PARD3: variants seen among roughly 807,000 people sequenced by gnomAD.
PARD3 encodes the protein par-3 family cell polarity regulator.
In PARD3, 75 loss-of-function variants were observed where a neutral mutation model predicts 155.4. The ratio of observed to expected loss-of-function variants is 0.48; its 90% CI spans 0.40 to 0.58. PARD3 has a LOEUF of 0.58. Among genes scored for constraint, PARD3 ranks in the 20% least tolerant of loss-of-function variants. The pLI, the probability that PARD3 is intolerant of heterozygous loss-of-function variation, is 0.00. For synonymous variants in PARD3, 576 were observed against 610.5 expected (o/e 0.94, Z 0.83); for missense variants, 1,642 against 1,721.7 (o/e 0.95, Z 0.82).
intron 20 of PARD3, among the ~76,000 whole-genome samples, chr10:34,310,692 C>T (rs548202917): frequency 6.6e-6 from 1 of 152,300 alleles, no homozygotes; most frequent in Non-Finnish European, 1.5e-5. Context: ...ATGATATCAG[C>T]TACCTTAGAA....
intron 10 of PARD3, among the ~76,000 whole-genome samples, chr10:34,376,888 G>A (rs2134686952): frequency 6.6e-6 from 1 of 152,124 alleles, no homozygotes; most frequent in African/African-American, 2.4e-5. Context: ...TAAAAATACA[G>A]ACTATATTTT....
At chr10:34,667,821 G>C (rs1271581075) in intron 2 of PARD3, among the ~76,000 whole-genome samples, 2 of 152,272 alleles carry the variant, frequency 1.3e-5, no homozygotes, top group African/African-American at 4.8e-5. Context: ...AAATAATATT[G>C]TGATGACATT....
intron 12 of PARD3, among the ~76,000 whole-genome samples, chr10:34,368,974 T>C (rs550075449): frequency 1.3e-5 from 2 of 152,066 alleles, no homozygotes; most frequent in Admixed American, 1.3e-4. Context: ...GCCTCCAACA[T>C]GGAACTCATA....
At chr10:34,173,802 C>T (rs726196) in intron 22 of PARD3, among the ~76,000 whole-genome samples, 35,723 of 152,054 alleles carry the variant, frequency 0.23, 4,371 homozygotes, top group Middle Eastern at 0.35. Context: ...AGTCACTGCC[C>T]TAATTTTCCA....
chr10:34,636,180 T>C (rs1481077047), intron 2 of PARD3, among the ~76,000 whole-genome samples: 1 of 152,136 alleles, frequency 6.6e-6, no homozygotes, highest in Non-Finnish European at 1.5e-5. Flanking sequence ...ATTTACGCAT[T>C]TGCATGTGCC....
At chr10:34,473,676 CA>C (rs2133111097) in intron 3 of PARD3, among the ~76,000 whole-genome samples, 1 of 152,330 alleles carries the variant, frequency 6.6e-6, no homozygotes, top group East Asian at 1.9e-4. Flanking sequence ...AGTTTTCCAT[CA>C]AACACACTCA....
At chr10:34,615,396 C>CA (rs1348233600) in intron 2 of PARD3, among the ~76,000 whole-genome samples, 1 of 151,972 alleles carries the variant, frequency 6.6e-6, no homozygotes, top group Non-Finnish European at 1.5e-5. Flanking sequence ...ACTGAGGAAA[C>CA]AGTGTAACCA....
intron 22 of PARD3, among the ~76,000 whole-genome samples, chr10:34,158,386 T>C (rs1023238367): frequency 4.6e-5 from 7 of 152,220 alleles, no homozygotes; most frequent in Admixed American, 2.6e-4. Context: ...TCCACTCCTG[T>C]GGTTTTCTTG....
intron 2 of PARD3, among the ~76,000 whole-genome samples, chr10:34,615,199 A>G (rs777300343): frequency 5.9e-5 from 9 of 152,178 alleles, no homozygotes; most frequent in Non-Finnish European, 8.8e-5. Flanking sequence ...ACTAAAAACA[A>G]AAACAAACAA....
chr10:34,666,728 C>A (rs929652620), intron 2 of PARD3, among the ~76,000 whole-genome samples: 2 of 129,172 alleles, frequency 1.5e-5, no homozygotes, highest in Non-Finnish European at 3.1e-5. Context: ...ATTTGGAAAC[C>A]AGACCTTGAT....
intron 19 of PARD3, among the ~76,000 whole-genome samples, chr10:34,324,761 G>T (rs1386051162): frequency 1.3e-5 from 2 of 151,352 alleles, no homozygotes; most frequent in African/African-American, 4.9e-5. Context: ...GCTAATGAGA[G>T]AAATCACATC....
chr10:34,492,511 C>A (rs952736601), intron 3 of PARD3, among the ~76,000 whole-genome samples: 4 of 152,138 alleles, frequency 2.6e-5, no homozygotes, highest in Non-Finnish European at 4.4e-5. Context: ...AGAAAGATTG[C>A]TTACAAAATA....
chr10:34,282,328 T>C (rs565801700), intron 21 of PARD3, among the ~76,000 whole-genome samples: 2 of 152,288 alleles, frequency 1.3e-5, no homozygotes, highest in South Asian at 2.1e-4. Flanking sequence ...TCCTGTACAT[T>C]GTAAATTCAT....
intron 1 of PARD3, among the ~76,000 whole-genome samples, chr10:34,777,700 T>C (rs2134143027): frequency 6.6e-6 from 1 of 151,516 alleles, no homozygotes. Context: ...TCAGCTAATT[T>C]TTTTTTTTTT....
intron 1 of PARD3, among the ~76,000 whole-genome samples, chr10:34,770,417 T>C (rs1347194914): frequency 1.3e-5 from 2 of 152,164 alleles, no homozygotes; most frequent in Non-Finnish European, 2.9e-5. Flanking sequence ...GGGCAGCACC[T>C]CCAACCAAAC....
At chr10:34,168,757 C>G (rs923891084) in intron 22 of PARD3, among the ~76,000 whole-genome samples, 5 of 152,168 alleles carry the variant, frequency 3.3e-5, no homozygotes, top group African/African-American at 4.8e-5. Flanking sequence ...ACACAGTTTG[C>G]CTTTGTCTTT....
At chr10:34,431,844 T>C (rs2075929448) in intron 5 of PARD3, among the ~76,000 whole-genome samples, 1 of 146,684 alleles carries the variant, frequency 6.8e-6, no homozygotes, top group South Asian at 2.1e-4. Context: ...GGTCAGAAGA[T>C]CGAGACCATC....
At chr10:34,778,589 A>G (rs1435206853) in intron 1 of PARD3, among the ~76,000 whole-genome samples, 3 of 152,146 alleles carry the variant, frequency 2.0e-5, no homozygotes, top group African/African-American at 7.2e-5. Flanking sequence ...GCATGGCCAC[A>G]GACAATATCC....
chr10:34,342,193 T>C (rs1836900775), intron 15 of PARD3, among the ~76,000 whole-genome samples: 2 of 152,268 alleles, frequency 1.3e-5, no homozygotes, highest in Non-Finnish European at 2.9e-5. Flanking sequence ...CTAACTTGCA[T>C]TGTTTATTCA....
Sources: allele counts gnomAD v4.1 joint callset (sites outside exome capture counted in the v4.1 genomes callset), GRCh38; gene constraint gnomAD v4.1.1; transcripts MANE v1.5; gene names NCBI Gene and HGNC (gene_info 2026-07-23, HGNC 2026-07-21).